The following KIFC3 variants were observed in gnomAD, a reference collection of about 807,000 sequenced individuals.
The protein encoded by KIFC3 is kinesin-like protein KIFC3.
Under a neutral mutation model 101.8 loss-of-function variants are expected in KIFC3, and 60 were observed. That is an observed-to-expected ratio of 0.59 (90% CI 0.48 to 0.73). The LOEUF is 0.73. KIFC3 is among the 30% of genes least tolerant of loss of function. KIFC3 has a pLI of 0.00. For missense variants in KIFC3, 966 were observed against 1,137.1 expected (o/e 0.85, Z 2.16); for synonymous variants, 476 against 482.7 (o/e 0.99, Z 0.18).
chr16:57,822,455 A>G (rs1357474376), intron 1 of KIFC3, among the ~76,000 whole-genome samples: 1 of 152,106 alleles, frequency 6.6e-6, no homozygotes, highest in Admixed American at 6.6e-5. Flanking sequence ...TAATCCTAAC[A>G]CTTTGGGAGG....
intron 1 of KIFC3, among the ~76,000 whole-genome samples, chr16:57,829,116 G>C (rs1450476904): frequency 6.6e-6 from 1 of 152,114 alleles, no homozygotes; most frequent in Non-Finnish European, 1.5e-5. Context: ...CTTAAAATCA[G>C]AAGGGGAAAA....
intron 1 of KIFC3, among the ~76,000 whole-genome samples, chr16:57,835,946 T>C (rs1025596420): frequency 1.3e-5 from 2 of 151,266 alleles, no homozygotes; most frequent in Non-Finnish European, 2.9e-5. Context: ...TGAGACTACA[T>C]CTCAGAAACA....
chr16:57,802,495 G>A (rs1392783706), upstream of KIFC3: 6 of 983,468 alleles, frequency 6.1e-6, no homozygotes, highest in African/African-American at 7.0e-5. This position sits in a 1 kb window ranked among gnomAD's most constrained non-coding sequence, Gnocchi z 5.0. Flanking sequence ...CGCCCCTCCC[G>A]CACACTTTCC....
At chr16:57,816,678 A>G (rs1555628901) in intron 1 of KIFC3, 7 of 456,502 alleles carry the variant, frequency 1.5e-5, no homozygotes, top group Non-Finnish European at 3.1e-5. Flanking sequence ...CCTCCCCACA[A>G]CCAGGAGTCT....
chr16:57,821,957 T>C (rs2055360379), intron 1 of KIFC3, among the ~76,000 whole-genome samples: 1 of 151,962 alleles, frequency 6.6e-6, no homozygotes, highest in African/African-American at 2.4e-5. Flanking sequence ...ATGCCTGTGG[T>C]CCCAACTCTT....
At chr16:57,779,850 T>A (rs1016914268) in intron 3 of KIFC3, 1 of 152,072 alleles carries the variant, frequency 6.6e-6, no homozygotes, top group African/African-American at 2.4e-5. Flanking sequence ...AATAGATAGA[T>A]AAATAAAAGA....
At chr16:57,811,310 A>T (rs1555627776) in intron 1 of KIFC3, among the ~76,000 whole-genome samples, 1 of 152,232 alleles carries the variant, frequency 6.6e-6, no homozygotes. Context: ...AATATACTAA[A>T]AACTATTGGA....
At chr16:57,847,263 GAA>G (rs1567339455) in intron 1 of KIFC3, among the ~76,000 whole-genome samples, 1,456 of 88,850 alleles carry the variant, frequency 0.016, 49 homozygotes, top group South Asian at 0.032. Context: ...AGGAAGGAAG[GAA>G]GGAAGGGAAG....
At chr16:57,785,580 T>C (rs1555617280) in intron 3 of KIFC3, 2 of 1,287,518 alleles carry the variant, frequency 1.6e-6, no homozygotes, top group Non-Finnish European at 1.0e-6. Flanking sequence ...AGCTGGGACA[T>C]GGCCTCCACC....
intron 1 of KIFC3, among the ~76,000 whole-genome samples, chr16:57,853,788 T>C (rs1030496223): frequency 4.0e-5 from 6 of 151,886 alleles, no homozygotes; most frequent in Admixed American, 2.0e-4. Context: ...TGCGCCACCA[T>C]ACCCGGATAA....
chr16:57,820,927 C>A (rs1001708698), intron 1 of KIFC3, among the ~76,000 whole-genome samples: 3 of 151,930 alleles, frequency 2.0e-5, no homozygotes, highest in Non-Finnish European at 2.9e-5. Context: ...TTGAGACCAG[C>A]CTGGACAACA....
intron 1 of KIFC3, among the ~76,000 whole-genome samples, chr16:57,801,294 G>T (rs781989119): frequency 6.6e-6 from 1 of 152,138 alleles, no homozygotes; most frequent in African/African-American, 2.4e-5. Flanking sequence ...TGGTCGCCCT[G>T]GGAGAGCAGG....
At chr16:57,847,761 TG>T (rs1555482872) in intron 1 of KIFC3, among the ~76,000 whole-genome samples, 1 of 19,846 alleles carries the variant, frequency 5.0e-5, no homozygotes, top group African/African-American at 2.6e-4. Flanking sequence ...CAGATGAATT[TG>T]TGTGTGTGTG....
intron 1 of KIFC3, among the ~76,000 whole-genome samples, chr16:57,799,602 T>C (rs1477082492): frequency 1.3e-5 from 2 of 152,142 alleles, no homozygotes; most frequent in African/African-American, 4.8e-5. Flanking sequence ...ACACAAAAGC[T>C]TGAACTGAAG....
chr16:57,852,755 CT>C (rs1477163008), intron 1 of KIFC3, among the ~76,000 whole-genome samples: 1 of 44,174 alleles, frequency 2.3e-5, no homozygotes, highest in Non-Finnish European at 5.4e-5. Flanking sequence ...GTTCTGTAAG[CT>C]CCCGTGAGCC....
intron 16 of KIFC3, 145 bp downstream of exon 16, chr16:57,760,581 A>G (rs1346702954): frequency 9.3e-7 from 1 of 1,074,256 alleles, no homozygotes; most frequent in African/African-American, 1.6e-5. Flanking sequence ...AAAGGTGGAG[A>G]GGAGGGACTG....
At chr16:57,858,723 G>A (rs1039835149) in intron 1 of KIFC3, among the ~76,000 whole-genome samples, 1 of 152,116 alleles carries the variant, frequency 6.6e-6, no homozygotes, top group East Asian at 1.9e-4. Flanking sequence ...GAGGTGGACG[G>A]ATCACTTGAG....
In KIFC3 at chr16:57,795,029, T is replaced by C. The variant is rs2149195044; in HGVS notation, c.285A>G (p.Gly95=). The part of the protein sequence containing the change: ...RALSVDWAGP[G]SPHGLYLTLQ... ...GGGTCAGGTAGAGCCCGTGGGGGCT[T>C]CCGGGGCCAGCCCAGTCCACGCTAA... The change falls in exon 3 of 20, where the codon GGA becomes GGG. Residue 95 remains glycine, a synonymous_variant. Transcript: ENST00000445690. The C allele has an allele frequency of 6.3e-7, 1 of 1,597,536 alleles. No homozygotes were observed. Among genetic ancestry groups the C allele is most frequent in the Non-Finnish European group, 8.5e-7 (1 of 1,174,310 alleles).
At chr16:57,839,638 C>A (rs451359) in intron 1 of KIFC3, among the ~76,000 whole-genome samples, 68,254 of 152,004 alleles carry the variant, frequency 0.45, 17,632 homozygotes, top group East Asian at 0.62. Context: ...TACCTATCAT[C>A]GTTCCCTTCA....
Sources: gnomAD v4.1 joint callset for allele counts (sites outside exome capture counted in the v4.1 genomes callset) on GRCh38, gnomAD v4.1.1 for gene constraint, Gnocchi (gnomAD v3.1) non-coding constraint, MANE v1.5 for transcripts, NCBI Gene and HGNC (gene_info 2026-07-23, HGNC 2026-07-21) for gene names.